The following ROBO2 variants were observed in gnomAD, a reference collection of about 807,000 sequenced individuals.
ROBO2 encodes roundabout homolog 2.
Under a neutral mutation model 160.8 loss-of-function variants are expected in ROBO2, and 53 were observed. That is an observed-to-expected ratio of 0.33 (90% CI 0.26 to 0.41). ROBO2 has a LOEUF of 0.41. ROBO2 is among the 10% of genes least tolerant of loss of function. ROBO2 has a pLI of 1.00. For synonymous variants in ROBO2, 664 were observed against 611.7 expected (o/e 1.09, Z -1.26); for missense variants, 1,577 against 1,722.4 (o/e 0.92, Z 1.49).
At chr3:76,217,281 A>G (rs1175953081) in intron 2 of ROBO2, among the ~76,000 whole-genome samples, 2 of 152,152 alleles carry the variant, frequency 1.3e-5, no homozygotes, top group Non-Finnish European at 2.9e-5. Flanking sequence ...AACATATTCA[A>G]AAGCTAGCAG....
intron 2 of ROBO2, among the ~76,000 whole-genome samples, chr3:76,504,134 AATG>A (rs2080638653): frequency 1.3e-5 from 2 of 152,234 alleles, no homozygotes; most frequent in Admixed American, 6.5e-5. Flanking sequence ...CACAGTATGT[AATG>A]AAAAATACGC....
At chr3:76,369,532 C>T (rs1230013997) in intron 2 of ROBO2, among the ~76,000 whole-genome samples, 7 of 151,958 alleles carry the variant, frequency 4.6e-5, no homozygotes, top group African/African-American at 1.7e-4. Flanking sequence ...GATCTAACGT[C>T]CAAATGCCAA....
intron 2 of ROBO2, among the ~76,000 whole-genome samples, chr3:77,113,664 A>G (rs546066839): frequency 6.6e-6 from 1 of 152,340 alleles, no homozygotes; most frequent in Non-Finnish European, 1.5e-5. Flanking sequence ...CGGTCTAGTT[A>G]ATCATACTTG....
intron 2 of ROBO2, among the ~76,000 whole-genome samples, chr3:76,134,051 A>G (rs1017472641): frequency 3.3e-5 from 5 of 152,238 alleles, no homozygotes; most frequent in Non-Finnish European, 7.4e-5. Flanking sequence ...CATAGTACAT[A>G]GTTTATGGGA....
At chr3:76,085,728 C>G (rs1455701647) in intron 2 of ROBO2, among the ~76,000 whole-genome samples, 1 of 152,124 alleles carries the variant, frequency 6.6e-6, no homozygotes, top group South Asian at 2.1e-4. Context: ...CTGTGGGAAC[C>G]AGTGCCACAC....
At chr3:77,461,812 T>C (rs1013148940) in intron 2 of ROBO2, among the ~76,000 whole-genome samples, 5 of 151,746 alleles carry the variant, frequency 3.3e-5, no homozygotes, top group African/African-American at 4.8e-5. Flanking sequence ...ACTGCAATCC[T>C]CTCCTCCTGG....
intron 2 of ROBO2, among the ~76,000 whole-genome samples, chr3:77,387,770 T>G (rs1369328821): frequency 3.3e-5 from 5 of 152,152 alleles, no homozygotes; most frequent in Admixed American, 6.6e-5. Flanking sequence ...TTATCTTATG[T>G]AAAGTGTCAG....
At chr3:76,513,342 T>C (rs1039218957) in intron 2 of ROBO2, among the ~76,000 whole-genome samples, 3 of 145,184 alleles carry the variant, frequency 2.1e-5, no homozygotes, top group African/African-American at 7.4e-5. Flanking sequence ...TATTTATTTA[T>C]TTATCTATTT....
chr3:76,114,760 A>G (rs2070385130), intron 2 of ROBO2, among the ~76,000 whole-genome samples: 1 of 152,182 alleles, frequency 6.6e-6, no homozygotes, highest in Non-Finnish European at 1.5e-5. Context: ...TGTTTATTGA[A>G]AACTCAGAAA....
chr3:76,822,565 A>G (rs2066214472), intron 2 of ROBO2, among the ~76,000 whole-genome samples: 1 of 151,956 alleles, frequency 6.6e-6, no homozygotes, highest in Non-Finnish European at 1.5e-5. Flanking sequence ...ACATGTCTAA[A>G]TTCATTAACT....
chr3:76,524,826 T>TAAAAAAAAAA lies in ROBO2; in HGVS notation c.110-573157_110-573148dup, dbSNP rs58091252. Among the ~76,000 whole-genome samples, 14 of 21,742 alleles carry TAAAAAAAAAA rather than the reference T, an allele frequency of 6.4e-4. 1 individual carries two copies. The highest frequency in any genetic ancestry group is 1.3e-3 in the East Asian group (1 of 776). 14.3% of individuals were successfully genotyped at this position (21,742 alleles called of 152,430 possible). ...TAAAAACCTATGACCCTCTTATTCC[T>TAAAAAAAAAA]AAAAAAAAAAAAAAAAAAAAAAAAA... On this transcript the variant is annotated intron_variant, in intron 2 of 26. Transcript: ENST00000487694.
At chr3:77,174,272 T>C (rs1435367269) in intron 2 of ROBO2, among the ~76,000 whole-genome samples, 1 of 152,010 alleles carries the variant, frequency 6.6e-6, no homozygotes, top group Non-Finnish European at 1.5e-5. Flanking sequence ...CATGTAATGT[T>C]GATTAACATT....
intron 2 of ROBO2, among the ~76,000 whole-genome samples, chr3:76,269,947 A>C: frequency 6.6e-6 from 1 of 151,990 alleles, no homozygotes; most frequent in East Asian, 1.9e-4. Flanking sequence ...CTCTGGGTGA[A>C]GTTAAATGAT....
chr3:76,558,497 C>T (rs2083952575), intron 2 of ROBO2, among the ~76,000 whole-genome samples: 2 of 152,080 alleles, frequency 1.3e-5, no homozygotes, highest in Non-Finnish European at 2.9e-5. Context: ...AATGAAGCCT[C>T]TATACTTTTA....
At chr3:76,226,134 T>G (rs1559661705) in intron 2 of ROBO2, among the ~76,000 whole-genome samples, 1 of 152,150 alleles carries the variant, frequency 6.6e-6, no homozygotes, top group African/African-American at 2.4e-5. Context: ...AACTTAATAC[T>G]AAGAAATTCA....
At chr3:77,553,682 A>C (rs912731320) in intron 8 of ROBO2, among the ~76,000 whole-genome samples, 2 of 151,972 alleles carry the variant, frequency 1.3e-5, no homozygotes, top group African/African-American at 4.8e-5. Flanking sequence ...TGGATAGATC[A>C]GTGAGTCACA....
chr3:77,241,739 A>C (rs1467610528), intron 2 of ROBO2, among the ~76,000 whole-genome samples: 1 of 152,192 alleles, frequency 6.6e-6, no homozygotes, highest in Non-Finnish European at 1.5e-5. Flanking sequence ...TAAAAACATC[A>C]ATCTTCTGAC....
chr3:76,787,298 A>C (rs1439803198), intron 2 of ROBO2, among the ~76,000 whole-genome samples: 1 of 149,464 alleles, frequency 6.7e-6, no homozygotes, highest in Admixed American at 6.7e-5. Context: ...GTGAAGTTTG[A>C]ATTTTTTCCA....
At chr3:77,329,472 C>A (rs1219272056) in intron 2 of ROBO2, among the ~76,000 whole-genome samples, 1 of 152,156 alleles carries the variant, frequency 6.6e-6, no homozygotes, top group Non-Finnish European at 1.5e-5. Context: ...CACAGAATAA[C>A]CTTCACATTA....
Sources: gnomAD v4.1 joint callset for allele counts (sites outside exome capture counted in the v4.1 genomes callset) on GRCh38, gnomAD v4.1.1 for gene constraint, MANE v1.5 for transcripts, NCBI Gene and HGNC (gene_info 2026-07-23, HGNC 2026-07-21) for gene names.